Variants in SLC8A1 observed in about 807,000 individuals in gnomAD.
SLC8A1 encodes solute carrier family 8 member A1, also known as sodium/calcium exchanger 1.
SLC8A1 carries 18 observed loss-of-function variants against 68.3 expected under a neutral mutation model. The observed-to-expected ratio is 0.26, with a 90% CI of 0.18 to 0.39. The LOEUF (loss-of-function observed/expected upper bound fraction) is 0.39, where lower values mean the gene tolerates loss of function less well. Ranked by LOEUF, SLC8A1 falls within the 10% of genes least tolerant of loss-of-function variation. The probability of loss-of-function intolerance (pLI) is 1.00; values close to 1 mark genes in which losing one functional copy is unlikely to be tolerated. For synonymous variants in SLC8A1, 475 were observed against 415.5 expected (o/e 1.14, Z -1.74); for missense variants, 985 against 1,156.7 (o/e 0.85, Z 2.15).
upstream of SLC8A1, among the ~76,000 whole-genome samples, chr2:40,456,912 T>A (rs1222015730): frequency 6.6e-6 from 1 of 152,228 alleles, no homozygotes; most frequent in Non-Finnish European, 1.5e-5. Flanking sequence ...AGAGAGTACT[T>A]TTCCTCTCTG....
chr2:40,310,370 T>C (rs1386946868), intron 2 of SLC8A1, among the ~76,000 whole-genome samples: 2 of 152,176 alleles, frequency 1.3e-5, no homozygotes, highest in Non-Finnish European at 1.5e-5. Context: ...AAACAGGTCA[T>C]AATTGAGAAT....
intron 2 of SLC8A1, among the ~76,000 whole-genome samples, chr2:40,367,096 G>A (rs538520836): frequency 6.6e-6 from 1 of 152,076 alleles, no homozygotes; most frequent in South Asian, 2.1e-4. Context: ...AAAAACCAAA[G>A]AGTCATAAGA....
At position 40,145,088 on chromosome 2, in the gene SLC8A1, A is replaced by T. The variant is rs138619754; in HGVS notation, c.2162-5412T>A. 2.3e-3 allele frequency among the ~76,000 whole-genome samples: 344 copies of T among 152,218 alleles called. 4 individuals are homozygous for T. The highest frequency in any genetic ancestry group is 7.9e-3 in the African/African-American group (327 of 41,538). On this transcript the variant is annotated intron_variant, in intron 6 of 7. Transcript: ENST00000406785. ...TCATTGCCTGCCCCAACCCCTGCCCATAGTAAGATGGTAACCACTGCTTCA... is the reference window on the plus strand; with the variant it reads ...TCATTGCCTGCCCCAACCCCTGCCCTTAGTAAGATGGTAACCACTGCTTCA...
chr2:40,467,172 G>C (rs1196029778), intron 1 of SLC8A1, among the ~76,000 whole-genome samples: 1 of 152,108 alleles, frequency 6.6e-6, no homozygotes, highest in African/African-American at 2.4e-5. Flanking sequence ...ATGCCACTTA[G>C]CATATGGATC....
At chr2:40,422,888 GA>G (rs891391550) in intron 2 of SLC8A1, among the ~76,000 whole-genome samples, 5 of 151,970 alleles carry the variant, frequency 3.3e-5, no homozygotes, top group African/African-American at 1.2e-4. Context: ...TTAGCACTTT[GA>G]AAAAAATTAA....
chr2:40,184,898 C>CAAAAAAAAAA (rs66662572), intron 2 of SLC8A1, among the ~76,000 whole-genome samples: 12 of 106,506 alleles, frequency 1.1e-4, no homozygotes, highest in Admixed American at 1.9e-4. Flanking sequence ...TAACCAAAAA[C>CAAAAAAAAAA]AAAAAAAAAA....
chr2:40,472,149 G>A (rs1388751928), intron 1 of SLC8A1, among the ~76,000 whole-genome samples: 4 of 152,272 alleles, frequency 2.6e-5, no homozygotes, highest in Non-Finnish European at 5.9e-5. Flanking sequence ...ATAAGAAAAT[G>A]TCCACTTTAT....
intron 1 of SLC8A1, among the ~76,000 whole-genome samples, chr2:40,465,912 G>T (rs1384241559): frequency 2.0e-5 from 3 of 152,092 alleles, no homozygotes; most frequent in Admixed American, 6.6e-5. Flanking sequence ...GGTCTTTTGG[G>T]GAGTGGATTT....
intron 2 of SLC8A1, chr2:40,213,521 AC>A (rs2056966350): frequency 6.6e-6 from 1 of 152,218 alleles, no homozygotes; most frequent in Admixed American, 6.5e-5. Flanking sequence ...TGAATGAATA[AC>A]CGAAAGGGGC....
chr2:40,273,049 T>G (rs2149144609), intron 2 of SLC8A1, among the ~76,000 whole-genome samples: 1 of 152,254 alleles, frequency 6.6e-6, no homozygotes, highest in East Asian at 1.9e-4. Flanking sequence ...TTCAAGTGAT[T>G]CTCCTGCCTC....
At chr2:40,121,701 CA>C (rs2036858153) in intron 7 of SLC8A1, among the ~76,000 whole-genome samples, 1 of 152,070 alleles carries the variant, frequency 6.6e-6, no homozygotes, top group South Asian at 2.1e-4. Flanking sequence ...AATGGGTGTT[CA>C]GTATTATTAG....
At chr2:40,268,919 G>T (rs2065691059) in intron 2 of SLC8A1, among the ~76,000 whole-genome samples, 2 of 152,194 alleles carry the variant, frequency 1.3e-5, no homozygotes, top group Non-Finnish European at 1.5e-5. Flanking sequence ...TTCTACTCCA[G>T]AGTAACCTCA....
chr2:40,150,115 C>G (rs1450014776), intron 6 of SLC8A1, among the ~76,000 whole-genome samples: 2 of 150,404 alleles, frequency 1.3e-5, no homozygotes, highest in African/African-American at 4.9e-5. Flanking sequence ...AGCTCGGGGC[C>G]AGGATTCTAA....
At chr2:40,373,115 A>G (rs1678689551) in intron 2 of SLC8A1, among the ~76,000 whole-genome samples, 1 of 152,066 alleles carries the variant, frequency 6.6e-6, no homozygotes, top group African/African-American at 2.4e-5. Context: ...AATCATCAAA[A>G]TTAGTATTTT....
intron 2 of SLC8A1, among the ~76,000 whole-genome samples, chr2:40,421,164 A>G (rs905373502): frequency 6.6e-6 from 1 of 151,804 alleles, no homozygotes; most frequent in African/African-American, 2.4e-5. Flanking sequence ...CATCACTACC[A>G]CCTCCAACAT....
exon 8 of SLC8A1, chr2:40,107,258 C>CGACA (rs1210386111): frequency 3.5e-5 from 3 of 84,750 alleles, no homozygotes; most frequent in Non-Finnish European, 6.8e-5. Flanking sequence ...CCAGCCTGGG[C>CGACA]GACAGAGCGA....
intron 2 of SLC8A1, among the ~76,000 whole-genome samples, chr2:40,337,036 T>G (rs1229263446): frequency 6.6e-6 from 1 of 152,200 alleles, no homozygotes; most frequent in Non-Finnish European, 1.5e-5. Flanking sequence ...CTCTTTGTAA[T>G]GCACTTCTAG....
chr2:40,180,152 A>G (rs1238929156), intron 2 of SLC8A1, among the ~76,000 whole-genome samples: 4 of 152,130 alleles, frequency 2.6e-5, no homozygotes, highest in African/African-American at 9.7e-5. Flanking sequence ...AAAACTACCA[A>G]CAGTATGATA....
At chr2:40,432,791 A>T (rs1698620851) in intron 1 of SLC8A1, among the ~76,000 whole-genome samples, 1 of 151,974 alleles carries the variant, frequency 6.6e-6, no homozygotes, top group Non-Finnish European at 1.5e-5. Flanking sequence ...TTTTAGAAGG[A>T]TCTCTCTGCT....
Sources: allele counts gnomAD v4.1 joint callset (sites outside exome capture counted in the v4.1 genomes callset), GRCh38; gene constraint gnomAD v4.1.1; transcripts MANE v1.5; gene names NCBI Gene and HGNC (gene_info 2026-07-23, HGNC 2026-07-21).